Variants in AGBL1 observed in about 807,000 individuals in gnomAD.
AGBL1 encodes cytosolic carboxypeptidase 4.
A neutral mutation model predicts 118.9 loss-of-function variants in AGBL1; 130 were observed. That is an observed-to-expected ratio of 1.09 (90% CI 0.95 to 1.26). The LOEUF (loss-of-function observed/expected upper bound fraction) is 1.26. Ranked by LOEUF, AGBL1 falls within the 50% of genes most tolerant of loss-of-function variation. The pLI is 0.00. For synonymous variants in AGBL1, 555 were observed against 478.9 expected (o/e 1.16, Z -2.08); for missense variants, 1,584 against 1,298.1 (o/e 1.22, Z -3.38).
chr15:86,266,809 G>A (rs1037337840), intron 12 of AGBL1, among the ~76,000 whole-genome samples, 181 bp from the exon 13 acceptor site: 10 of 152,214 alleles, frequency 6.6e-5, no homozygotes, highest in African/African-American at 2.2e-4. Flanking sequence ...GCTGAGGCAG[G>A]AGAAGCGCTT....
chr15:86,743,445 T>TC (rs1405662107), intron 22 of AGBL1, among the ~76,000 whole-genome samples: 16 of 152,138 alleles, frequency 1.1e-4, no homozygotes, highest in African/African-American at 3.4e-4. Flanking sequence ...GGGCTGTTTT[T>TC]CCCCTCTTAG....
chr15:86,332,522 T>C (rs1184936388), intron 17 of AGBL1, among the ~76,000 whole-genome samples: 2 of 151,806 alleles, frequency 1.3e-5, no homozygotes, highest in Non-Finnish European at 2.9e-5. Context: ...AACAGGCGCC[T>C]GTAGTCCCAG....
intron 22 of AGBL1, among the ~76,000 whole-genome samples, chr15:86,776,449 C>T (rs1418852507): frequency 6.6e-6 from 1 of 151,948 alleles, no homozygotes; most frequent in Non-Finnish European, 1.5e-5. Context: ...GTGTTTCTTC[C>T]ACTGTGAGTC....
At chr15:87,023,922 A>G (rs182381739) in intron 24 of AGBL1, among the ~76,000 whole-genome samples, 17 of 152,170 alleles carry the variant, frequency 1.1e-4, no homozygotes, top group Non-Finnish European at 8.8e-5. Flanking sequence ...AAATTAAAAA[A>G]TTCTTTGAAC....
At chr15:86,170,683 T>G (rs1364994085) in intron 5 of AGBL1, among the ~76,000 whole-genome samples, 1 of 151,684 alleles carries the variant, frequency 6.6e-6, no homozygotes, top group Non-Finnish European at 1.5e-5. Context: ...CCCTCTCTAT[T>G]AAAAATACAA....
chr15:86,725,986 G>T (rs1370297840), intron 22 of AGBL1, among the ~76,000 whole-genome samples: 1 of 143,576 alleles, frequency 7.0e-6, no homozygotes, highest in Non-Finnish European at 1.5e-5. Flanking sequence ...AAACAGTATG[G>T]TCAAAAAAAA....
chr15:87,010,904 C>T (rs928480522), intron 24 of AGBL1, among the ~76,000 whole-genome samples: 1 of 152,188 alleles, frequency 6.6e-6, no homozygotes, highest in African/African-American at 2.4e-5. Flanking sequence ...TTGATTCCAT[C>T]TCTGGAAAAT....
At chr15:86,314,816 T>C (rs1290082100) in intron 17 of AGBL1, among the ~76,000 whole-genome samples, 1 of 152,188 alleles carries the variant, frequency 6.6e-6, no homozygotes, top group Non-Finnish European at 1.5e-5. Flanking sequence ...TCGTTGTGAA[T>C]TCCATAAAAA....
intron 1 of AGBL1, among the ~76,000 whole-genome samples, chr15:86,110,835 G>A (rs1897335996): frequency 6.6e-6 from 1 of 152,222 alleles, no homozygotes. Context: ...GGAAGAGCCA[G>A]AGGAAATAGT....
chr15:86,957,853 TA>T (rs1039060659), intron 23 of AGBL1, among the ~76,000 whole-genome samples: 1 of 152,082 alleles, frequency 6.6e-6, no homozygotes, highest in African/African-American at 2.4e-5. Flanking sequence ...AGCTTAACTC[TA>T]AAATTCGTAT....
intron 1 of AGBL1, among the ~76,000 whole-genome samples, chr15:86,110,829 G>A (rs760981657): frequency 6.6e-6 from 1 of 152,170 alleles, no homozygotes; most frequent in Non-Finnish European, 1.5e-5. Context: ...AGATGGGGAA[G>A]AGCCAGAGGA....
chr15:86,720,045 T>A (rs572948010), intron 22 of AGBL1, among the ~76,000 whole-genome samples: 1 of 152,320 alleles, frequency 6.6e-6, no homozygotes, highest in African/African-American at 2.4e-5. Context: ...GCTTATTTAT[T>A]TTCTATCTTA....
At chr15:86,654,619 T>G (rs1407028250) in intron 21 of AGBL1, among the ~76,000 whole-genome samples, 1 of 152,182 alleles carries the variant, frequency 6.6e-6, no homozygotes. Context: ...CCACATACAT[T>G]CATGGAAAGA....
intron 24 of AGBL1, among the ~76,000 whole-genome samples, chr15:87,023,763 A>C (rs1406421206): frequency 1.3e-5 from 2 of 152,082 alleles, no homozygotes; most frequent in East Asian, 3.9e-4. Flanking sequence ...AATTTAAGAA[A>C]ATTGAAATTA....
intron 17 of AGBL1, among the ~76,000 whole-genome samples, chr15:86,392,080 A>G (rs767047939): frequency 1.3e-5 from 2 of 152,170 alleles, no homozygotes; most frequent in Admixed American, 1.3e-4. Context: ...CCAGATAGGG[A>G]TAAAGATGAC....
At chr15:86,704,680 G>A (rs899920783) in intron 22 of AGBL1, among the ~76,000 whole-genome samples, 1 of 152,146 alleles carries the variant, frequency 6.6e-6, no homozygotes, top group African/African-American at 2.4e-5. Context: ...TTACATTGTT[G>A]ATGGGAGTGT....
chr15:86,251,755 A>G (rs552023220), intron 7 of AGBL1, among the ~76,000 whole-genome samples: 72 of 152,102 alleles, frequency 4.7e-4, no homozygotes, highest in Non-Finnish European at 8.7e-4. Context: ...AATGTAGTAT[A>G]ATGGAATCTT....
intron 22 of AGBL1, among the ~76,000 whole-genome samples, chr15:86,713,778 G>C (rs1319321430): frequency 6.6e-6 from 1 of 151,784 alleles, no homozygotes; most frequent in Non-Finnish European, 1.5e-5. Context: ...GAACAGGCTA[G>C]AGAGTGTATT....
intron 24 of AGBL1, among the ~76,000 whole-genome samples, chr15:87,010,403 C>A (rs951753784): frequency 5.3e-5 from 8 of 152,172 alleles, no homozygotes; most frequent in African/African-American, 1.9e-4. Flanking sequence ...AATGGCCCAG[C>A]CTCAGGTATG....
Sources: gnomAD v4.1 joint callset for allele counts (sites outside exome capture counted in the v4.1 genomes callset) on GRCh38, gnomAD v4.1.1 for gene constraint, MANE v1.5 for transcripts, NCBI Gene and HGNC (gene_info 2026-07-23, HGNC 2026-07-21) for gene names.